Variants in NETO1 observed in about 807,000 individuals in gnomAD.
NETO1 encodes the protein neuropilin and tolloid-like protein 1.
In NETO1, 26 loss-of-function variants were observed where a neutral mutation model predicts 61.3. The observed-to-expected ratio is 0.42, with a 90% CI of 0.31 to 0.59. The LOEUF is 0.59. Among genes scored for constraint, NETO1 ranks in the 20% least tolerant of loss-of-function variants. NETO1 has a pLI of 0.12. For missense variants in NETO1, 531 were observed against 662.8 expected (o/e 0.80, Z 2.18); for synonymous variants, 225 against 225.8 (o/e 1.00, Z 0.03).
At chr18:72,859,548 C>T (rs189047890) in intron 3 of NETO1, among the ~76,000 whole-genome samples, 96 of 152,266 alleles carry the variant, frequency 6.3e-4, no homozygotes, top group Admixed American at 1.2e-3. Context: ...TATATAAGGA[C>T]ATTAAGAGTA....
At chr18:72,855,741 G>A (rs1419806029) in intron 4 of NETO1, among the ~76,000 whole-genome samples, 1 of 152,224 alleles carries the variant, frequency 6.6e-6, no homozygotes, top group Non-Finnish European at 1.5e-5. Context: ...ACACAAATTA[G>A]TTTGCCAGTC....
intron 4 of NETO1, among the ~76,000 whole-genome samples, chr18:72,807,757 C>CT (rs143437135): frequency 0.7 from 105,723 of 150,924 alleles, 40,788 homozygotes; most frequent in Non-Finnish European, 0.86. Context: ...CACACACACC[C>CT]ATACTGTCCA....
intron 4 of NETO1, among the ~76,000 whole-genome samples, chr18:72,810,459 T>G (rs573269420): frequency 9.2e-5 from 14 of 152,308 alleles, no homozygotes; most frequent in Non-Finnish European, 1.5e-4. Flanking sequence ...GCATTTGGCA[T>G]GCAAACGTAT....
chr18:72,794,435 C>T (rs1209098676), intron 4 of NETO1, 31 bp from the exon 5 acceptor site: 3 of 1,585,360 alleles, frequency 1.9e-6, no homozygotes, highest in African/African-American at 2.7e-5. Context: ...CAATTAGTCC[C>T]ATTCTACATT....
chr18:72,834,351 G>C (rs1325487293), intron 4 of NETO1: 1 of 911,606 alleles, frequency 1.1e-6, no homozygotes, highest in Non-Finnish European at 1.3e-6. Context: ...GAAAGGAAAA[G>C]AGACATTAAA....
intron 3 of NETO1, among the ~76,000 whole-genome samples, chr18:72,862,895 C>T (rs944293999): frequency 6.6e-6 from 1 of 152,194 alleles, no homozygotes; most frequent in African/African-American, 2.4e-5. Context: ...GCTGGGATTA[C>T]AGGTGTGAGC....
chr18:72,782,033 T>C (rs1319667603), intron 7 of NETO1, among the ~76,000 whole-genome samples: 1 of 152,260 alleles, frequency 6.6e-6, no homozygotes, highest in South Asian at 2.1e-4. Context: ...TGGAGTCTGT[T>C]GTTCCCTTCT....
chr18:72,842,248 A>T (rs975676287), intron 4 of NETO1, among the ~76,000 whole-genome samples: 1 of 152,184 alleles, frequency 6.6e-6, no homozygotes, highest in Non-Finnish European at 1.5e-5. Context: ...CTAGTTGACA[A>T]CACATCGATT....
chr18:72,773,488 T>C (rs1028762866), intron 7 of NETO1, among the ~76,000 whole-genome samples: 4 of 152,188 alleles, frequency 2.6e-5, no homozygotes, highest in Non-Finnish European at 5.9e-5. Context: ...TGATATTGTA[T>C]GGCTCTGTGT....
At chr18:72,765,420 CT>C (rs113590689) in intron 7 of NETO1, among the ~76,000 whole-genome samples, 4,572 of 147,156 alleles carry the variant, frequency 0.031, 168 homozygotes, top group East Asian at 0.085. Context: ...AATAAAAATT[CT>C]TTTTTTTTTT....
chr18:72,747,734 T>C lies in NETO1; in HGVS notation c.*445A>G, dbSNP rs2070461977. The C allele has an allele frequency of 6.6e-6, 1 of 152,104 alleles. No individual in the cohort carries two copies. Among genetic ancestry groups the C allele is most frequent in the Admixed American group, 6.6e-5 (1 of 15,256 alleles). 9.4% of individuals were successfully genotyped at this position (152,104 alleles called of 1,614,324 possible). On this transcript the variant is annotated 3_prime_UTR_variant, in exon 11 of 11. Coordinates refer to ENST00000327305, the MANE Select transcript of NETO1 (RefSeq NM_138966.5). ...TTCAAAATCATTCAGGAACGCACTA[T>C]TCTCAAGCTGTCTATATAATGAAAA...
rs190643485 is a variant in NETO1 at position 72,814,073 on chromosome 18, G to C, written c.470-19669C>G. 2.2e-3 allele frequency among the ~76,000 whole-genome samples: 331 copies of C among 152,060 alleles called. 1 individual carries two copies. Among genetic ancestry groups the C allele is most frequent in the African/African-American group, 7.8e-3 (324 of 41,508 alleles). On this transcript the variant is annotated intron_variant, in intron 4 of 10. Coordinates refer to ENST00000327305, the MANE Select transcript of NETO1 (RefSeq NM_138966.5). ...AAGAATGAAGCTGAAGTGAAAACTA[G>C]AATTATCTGCCAAAAATCTATTTTC... is the stretch of plus-strand genomic sequence containing the variant.
At chr18:72,748,377 A>T in intron 10 of NETO1, 1 of 799,642 alleles carries the variant, frequency 1.3e-6, no homozygotes, top group Non-Finnish European at 1.5e-6. Context: ...AGCAAAAAGT[A>T]AAGCCATTGT....
intron 4 of NETO1, among the ~76,000 whole-genome samples, chr18:72,841,104 G>C (rs2073916128): frequency 6.6e-6 from 1 of 152,194 alleles, no homozygotes; most frequent in Admixed American, 6.5e-5. Flanking sequence ...GGGGAATGGA[G>C]AGGAGGAAGC....
chr18:72,846,503 T>C (rs1261652213), intron 4 of NETO1, among the ~76,000 whole-genome samples: 1 of 2,998 alleles, frequency 3.3e-4, no homozygotes, highest in Non-Finnish European at 6.9e-4. Context: ...AGACTTCATC[T>C]CAAAAAAAAA....
intron 7 of NETO1, among the ~76,000 whole-genome samples, chr18:72,772,856 T>C (rs1428917442): frequency 3.0e-5 from 3 of 98,690 alleles, no homozygotes; most frequent in African/African-American, 1.2e-4. Context: ...TATATATATA[T>C]ATATATATAT....
intron 7 of NETO1, among the ~76,000 whole-genome samples, chr18:72,762,903 T>C (rs537536984): frequency 6.6e-6 from 1 of 152,118 alleles, no homozygotes; most frequent in Non-Finnish European, 1.5e-5. Flanking sequence ...TAGGAGAAGA[T>C]AAAATAAAGC....
At chr18:72,865,739 T>TG in intron 1 of NETO1, 1 of 1,485,522 alleles carries the variant, frequency 6.7e-7, no homozygotes, top group Non-Finnish European at 9.0e-7. Flanking sequence ...CTACAGACTG[T>TG]GGAGGAGGAG....
At chr18:72,760,828 G>A (rs1322585503) in intron 7 of NETO1, among the ~76,000 whole-genome samples, 1 of 152,110 alleles carries the variant, frequency 6.6e-6, no homozygotes, top group Admixed American at 6.6e-5. Context: ...TTTCCAACGT[G>A]AGTTACGTGA....
Sources: allele counts gnomAD v4.1 joint callset (sites outside exome capture counted in the v4.1 genomes callset), GRCh38; gene constraint gnomAD v4.1.1; transcripts MANE v1.5; gene names NCBI Gene and HGNC (gene_info 2026-07-23, HGNC 2026-07-21).